RANBP9: variants seen among roughly 807,000 people sequenced by gnomAD.
The protein encoded by RANBP9 is RAN binding protein 9.
A neutral mutation model predicts 84.3 loss-of-function variants in RANBP9; 15 were observed. That is an observed-to-expected ratio of 0.18 (90% CI 0.12 to 0.27). The LOEUF is 0.27. Ranked by LOEUF, RANBP9 falls within the 10% of genes least tolerant of loss-of-function variation. The pLI, the probability that RANBP9 is intolerant of heterozygous loss-of-function variation, is 1.00. For missense variants in RANBP9, 809 were observed against 912.8 expected, an observed-to-expected ratio of 0.89 and a Z score of 1.46; for synonymous variants, 392 against 349.6, an observed-to-expected ratio of 1.12 and a Z score of -1.35.
chr6:13,706,520 T>A (rs1015461420), intron 1 of RANBP9, among the ~76,000 whole-genome samples: 1 of 144,702 alleles, frequency 6.9e-6, no homozygotes, highest in Admixed American at 7.0e-5. Flanking sequence ...TGTTGAAACC[T>A]CCCCTCTACT....
At chr6:13,699,816 C>T (rs1205065569) in intron 1 of RANBP9, among the ~76,000 whole-genome samples, 1 of 151,980 alleles carries the variant, frequency 6.6e-6, no homozygotes, top group African/African-American at 2.4e-5. Flanking sequence ...GGCCTGACAG[C>T]GCCACTACAC....
At chr6:13,660,636 G>A (rs1341435976) in intron 2 of RANBP9, among the ~76,000 whole-genome samples, 1 of 152,136 alleles carries the variant, frequency 6.6e-6, no homozygotes, top group African/African-American at 2.4e-5. Flanking sequence ...TTATTTCAAA[G>A]TTCATATGTA....
chr6:13,641,866 T>G (rs1343214537), intron 7 of RANBP9, among the ~76,000 whole-genome samples: 1 of 152,226 alleles, frequency 6.6e-6, no homozygotes, highest in Non-Finnish European at 1.5e-5. Flanking sequence ...CAATTTGACC[T>G]ATGAAATAGT....
intron 2 of RANBP9, among the ~76,000 whole-genome samples, chr6:13,685,380 C>T (rs1766148457): frequency 6.6e-6 from 1 of 152,076 alleles, no homozygotes; most frequent in Non-Finnish European, 1.5e-5. Flanking sequence ...ATAACTGCTA[C>T]ATAGAAATAA....
intron 2 of RANBP9, among the ~76,000 whole-genome samples, chr6:13,661,704 A>C (rs1456217017): frequency 6.6e-6 from 1 of 152,192 alleles, no homozygotes; most frequent in East Asian, 1.9e-4. Context: ...GTAATTTTCC[A>C]GAATTGAAAA....
chr6:13,652,994 G>A (rs148863558), intron 4 of RANBP9, among the ~76,000 whole-genome samples: 1 of 152,064 alleles, frequency 6.6e-6, no homozygotes, highest in East Asian at 1.9e-4. Context: ...AACACATTAA[G>A]AAAGTTGGTT....
At chr6:13,648,054 A>G (rs1467016416) in intron 5 of RANBP9, among the ~76,000 whole-genome samples, 2 of 151,546 alleles carry the variant, frequency 1.3e-5, no homozygotes, top group African/African-American at 2.4e-5. Flanking sequence ...CCTGGCAACC[A>G]CTAATCTACT....
At chr6:13,683,838 T>A (rs569755225) in intron 2 of RANBP9, among the ~76,000 whole-genome samples, 3 of 151,628 alleles carry the variant, frequency 2.0e-5, no homozygotes, top group Non-Finnish European at 1.5e-5. Context: ...GAGGTAAGGG[T>A]GATTTGGGAT....
At chr6:13,636,813 GAC>G (rs1230787954) in intron 10 of RANBP9, among the ~76,000 whole-genome samples, 1 of 152,108 alleles carries the variant, frequency 6.6e-6, no homozygotes, top group Non-Finnish European at 1.5e-5. Flanking sequence ...TGTCACGTGT[GAC>G]AGACAACCCA....
chr6:13,630,849 T>C (rs1434948207), intron 12 of RANBP9, among the ~76,000 whole-genome samples: 1 of 152,124 alleles, frequency 6.6e-6, no homozygotes, highest in African/African-American at 2.4e-5. Flanking sequence ...TTCTATTTTT[T>C]TTTTTTTAAG....
intron 2 of RANBP9, among the ~76,000 whole-genome samples, chr6:13,681,377 G>GA (rs1398856602): frequency 6.6e-6 from 1 of 151,816 alleles, no homozygotes; most frequent in Non-Finnish European, 1.5e-5. Context: ...ACTATACACT[G>GA]AAAAAAATGT....
At chr6:13,638,862 G>A (rs956496327) in intron 9 of RANBP9, among the ~76,000 whole-genome samples, 1 of 152,100 alleles carries the variant, frequency 6.6e-6, no homozygotes, top group Non-Finnish European at 1.5e-5. Context: ...TTGGGGGTGG[G>A]GGGAGAGGAG....
chr6:13,657,142 T>C lies in RANBP9; in HGVS notation c.871A>G (p.Thr291Ala), dbSNP rs1311739717. The change falls in exon 4 of 14, where the codon ACC (threonine) becomes GCC (alanine). Residue 291 changes from threonine to alanine, a missense_variant. Transcript: ENST00000011619. ...IGCCVNLINN[T>A]CFYTKNGHSL... is the part of the protein sequence containing the mutation. ...TGTCCATTCTTGGTGTAAAAGCAGG[T>C]ATTGTTGATAAGATTAACACAACAG... 4 of 1,612,492 alleles carry C rather than the reference T, an allele frequency of 2.5e-6. No individual in the cohort carries two copies. The highest frequency in any genetic ancestry group is 3.4e-6 in the Non-Finnish European group (4 of 1,179,098).
At chr6:13,675,359 G>A (rs985651819) in intron 2 of RANBP9, among the ~76,000 whole-genome samples, 1 of 151,972 alleles carries the variant, frequency 6.6e-6, no homozygotes, top group African/African-American at 2.4e-5. Flanking sequence ...AAAGATAGCT[G>A]GAAAATCCCC....
At chr6:13,706,560 G>A (rs1458767554) in intron 1 of RANBP9, among the ~76,000 whole-genome samples, 1 of 151,180 alleles carries the variant, frequency 6.6e-6, no homozygotes, top group East Asian at 2.0e-4. Flanking sequence ...AGGCGTGGTG[G>A]CGCATGCCTG....
chr6:13,647,812 G>A (rs1294946585), intron 5 of RANBP9, among the ~76,000 whole-genome samples: 1 of 152,074 alleles, frequency 6.6e-6, no homozygotes, highest in Non-Finnish European at 1.5e-5. Context: ...TGAAAAGTAA[G>A]TATAATTGTT....
chr6:13,670,511 A>T (rs954771809), intron 2 of RANBP9, among the ~76,000 whole-genome samples: 3 of 151,976 alleles, frequency 2.0e-5, no homozygotes, highest in Non-Finnish European at 4.4e-5. Flanking sequence ...AAATAGACAA[A>T]CTAGGCCAGG....
chr6:13,698,394 T>G (rs948169027), intron 1 of RANBP9, among the ~76,000 whole-genome samples: 4 of 152,242 alleles, frequency 2.6e-5, no homozygotes, highest in Non-Finnish European at 5.9e-5. Context: ...TGTGCACTAG[T>G]CACTTTTTAA....
At chr6:13,643,589 G>A (rs1242579921) in intron 6 of RANBP9, among the ~76,000 whole-genome samples, 1 of 152,176 alleles carries the variant, frequency 6.6e-6, no homozygotes, top group Non-Finnish European at 1.5e-5. Flanking sequence ...AGAGTTCATG[G>A]TGAACATCAA....
Sources: gnomAD v4.1 joint callset for allele counts (sites outside exome capture counted in the v4.1 genomes callset) on GRCh38, gnomAD v4.1.1 for gene constraint, MANE v1.5 for transcripts, NCBI Gene and HGNC (gene_info 2026-07-23, HGNC 2026-07-21) for gene names.